The following KNTC1 variants were observed in gnomAD, a reference collection of about 807,000 sequenced individuals.
KNTC1 encodes the protein kinetochore-associated protein 1.
Under a neutral mutation model 314.4 loss-of-function variants are expected in KNTC1, and 253 were observed. That is an observed-to-expected ratio of 0.80 (90% CI 0.73 to 0.89). The LOEUF (loss-of-function observed/expected upper bound fraction) is 0.89. KNTC1 is among the 40% of genes least tolerant of loss of function. The pLI is 0.00. For synonymous variants in KNTC1, 901 were observed against 901.4 expected (o/e 1.00, Z 0.01); for missense variants, 2,475 against 2,572.9 (o/e 0.96, Z 0.82).
Position 122,568,368 on chromosome 12 carries a change from A to G in KNTC1, c.1712A>G (p.His571Arg), listed in dbSNP as rs746448268. The change falls in exon 21 of 64, where the codon CAT (histidine) becomes CGT (arginine). Residue 571 changes from histidine (H) to arginine (R), a missense_variant. By Grantham distance (29) the His-to-Arg change is conservative. Coordinates refer to ENST00000333479, the MANE Select transcript of KNTC1 (RefSeq NM_014708.6). ...LVCAQYLWLRHRANFESRFDV... is the reference protein window; with the variant it reads ...LVCAQYLWLRRRANFESRFDV... ...TGTGCACAGTATCTTTGGCTTCGAC[A>G]TCGGGTAACATGTTTTACATTTTTT... The G allele has an allele frequency of 3.9e-6, 6 of 1,550,288 alleles. No homozygotes were observed. Among genetic ancestry groups the G allele is most frequent in the Admixed American group, 1.7e-5 (1 of 59,484 alleles).
chr12:122,561,841 G>C, intron 18 of KNTC1, 80 bp from the exon 19 acceptor site: 1 of 1,221,750 alleles, frequency 8.2e-7, no homozygotes, highest in South Asian at 1.4e-5. Context: ...AAAATTTTTT[G>C]TTATTTCACA....
chr12:122,589,806 C>T (rs973761976), intron 40 of KNTC1, among the ~76,000 whole-genome samples: 1 of 93,168 alleles, frequency 1.1e-5, no homozygotes, highest in African/African-American at 4.6e-5. Flanking sequence ...TTTTTTGAGA[C>T]GGAGTCTCGC....
In KNTC1 at chr12:122,582,879, C is replaced by G; in HGVS notation, c.3157C>G (p.His1053Asp). The change falls in exon 34 of 64, where the codon CAC becomes GAC. Residue 1053 changes from histidine to aspartate, a missense_variant. His to Asp is a moderately conservative substitution (Grantham distance 81, BLOSUM62 -1). Coordinates refer to ENST00000333479, the MANE Select transcript of KNTC1 (RefSeq NM_014708.6). The part of the protein sequence containing the change: ...VRSPSMESKL[H>D]RQALALQMSK... ...GAGCCCAAGCATGGAATCAAAGCTG[C>G]ACAGACAGGCACTGGCCCTGCAGAT... 6.2e-7 allele frequency: 1 copy of G among 1,612,548 alleles called. No individual in the cohort carries two copies. Among genetic ancestry groups the G allele is most frequent in the East Asian group, 2.2e-5 (1 of 44,864 alleles).
rs1875039920 is a variant in KNTC1, at chr12:122,626,247, CAAG to C, written c.*23_*25del. 1.9e-6 allele frequency: 3 copies of C among 1,556,020 alleles called. No homozygotes were observed. Among genetic ancestry groups the C allele is most frequent in the East Asian group, 4.5e-5 (2 of 44,488 alleles). ...ATCGTAAATCACTGAACCTTTTTTT[CAAG>C]AAGGACAAGAATTTTGGAGTCTGCT... On this transcript the variant is annotated 3_prime_UTR_variant, in exon 64 of 64. Coordinates refer to ENST00000333479, the MANE Select transcript of KNTC1 (RefSeq NM_014708.6).
intron 31 of KNTC1, 21 bp from the exon 32 acceptor site, chr12:122,579,884 G>T (rs752653725): frequency 6.4e-7 from 1 of 1,558,726 alleles, no homozygotes; most frequent in Non-Finnish European, 8.8e-7. Context: ...ATTTTATTTC[G>T]CTTTATTTAT....
chr12:122,589,907 C>A (rs1256937279), intron 40 of KNTC1, among the ~76,000 whole-genome samples: 1 of 151,368 alleles, frequency 6.6e-6, no homozygotes, highest in African/African-American at 2.4e-5. Flanking sequence ...CCTCAGCCTC[C>A]TGAGTAGGTG....
At chr12:122,585,839 G>T in intron 37 of KNTC1, 65 bp downstream of exon 37, 1 of 1,513,606 alleles carries the variant, frequency 6.6e-7, no homozygotes, top group Non-Finnish European at 9.2e-7. Context: ...AACTGTAGAG[G>T]TTTGGAGCTA....
chr12:122,606,498 A>G (rs1022578445), intron 51 of KNTC1, among the ~76,000 whole-genome samples: 25 of 152,078 alleles, frequency 1.6e-4, no homozygotes, highest in Non-Finnish European at 7.4e-5. Context: ...GATTACAGAC[A>G]TGAGCCACCA....
Position 122,618,407 on chromosome 12 carries a change from T to C in KNTC1, c.6085+10T>C. The stretch of plus-strand genomic sequence containing the variant: ...ATACCACTGCTTTCAGGTATTTCGC[T>C]CTCTGAAACATTGGCTACAGCATTT... On this transcript the variant is annotated intron_variant, in intron 58 of 63. Coordinates refer to ENST00000333479, the MANE Select transcript of KNTC1 (RefSeq NM_014708.6). 6.2e-7 allele frequency: 1 copy of C among 1,613,776 alleles called. No homozygotes were observed. The highest frequency in any genetic ancestry group is 8.5e-7 in the Non-Finnish European group (1 of 1,179,730).
chr12:122,575,660 C>T lies in KNTC1; in HGVS notation c.2486+14C>T. 1 of 1,554,756 alleles carries T rather than the reference C, an allele frequency of 6.4e-7. No homozygotes were observed. Among genetic ancestry groups the T allele is most frequent in the Non-Finnish European group, 8.8e-7 (1 of 1,138,724 alleles). Reference sequence around the variant, plus strand: ...GGACCATCCCAAGTAAGATGACTGTCTACGAAACAATGTTGTTATGCTCTG... The same window carrying T: ...GGACCATCCCAAGTAAGATGACTGTTTACGAAACAATGTTGTTATGCTCTG... On this transcript the variant is annotated intron_variant, in intron 28 of 63. Coordinates refer to ENST00000333479, the MANE Select transcript of KNTC1 (RefSeq NM_014708.6).
chr12:122,573,609 T>C (rs1964836170), intron 26 of KNTC1, among the ~76,000 whole-genome samples: 2 of 152,050 alleles, frequency 1.3e-5, no homozygotes, highest in Admixed American at 1.3e-4. Flanking sequence ...CAGCTTGGTT[T>C]TATATATTTT....
chr12:122,541,600 C>T (rs946316527), intron 5 of KNTC1, among the ~76,000 whole-genome samples: 13 of 151,874 alleles, frequency 8.6e-5, no homozygotes, highest in Middle Eastern at 3.2e-3. Flanking sequence ...CTGCCTTGGC[C>T]TCCCAAAGTG....
At chr12:122,548,459 C>T (rs1218358993) in intron 12 of KNTC1, among the ~76,000 whole-genome samples, 1 of 152,066 alleles carries the variant, frequency 6.6e-6, no homozygotes. Context: ...TTGCCTGCCT[C>T]TCGGCCTCCC....
At position 122,539,755 on chromosome 12, in the gene KNTC1, G is replaced by GT. The variant is rs762062365; in HGVS notation, c.445+2dup. 6.6e-7 allele frequency: 1 copy of GT among 1,508,944 alleles called. No homozygotes were observed. The highest frequency in any genetic ancestry group is 1.3e-5 in the South Asian group (1 of 76,052). The allele number at this position is 1,508,944 out of a possible 1,614,324, so 93.5% of individuals were successfully genotyped here. Reference sequence around the variant, plus strand: ...ATTGAGAAGGATGGTTCAAATGAAGGTAAGTTTTCCTGAATTTTTTTTTGA... The same window carrying GT: ...ATTGAGAAGGATGGTTCAAATGAAGGTTAAGTTTTCCTGAATTTTTTTTTGA... On this transcript the variant is annotated splice_donor_variant, in intron 5 of 63. Transcript: ENST00000333479. LOFTEE classifies it high-confidence loss of function.
chr12:122,590,523 A>C (rs553087618), intron 40 of KNTC1, 84 bp from the exon 41 acceptor site: 5 of 1,289,010 alleles, frequency 3.9e-6, no homozygotes, highest in South Asian at 1.7e-5. Flanking sequence ...ATTCCTCTTT[A>C]TTTGTATTTC....
chr12:122,571,206 T>A, intron 24 of KNTC1, 80 bp downstream of exon 24: 1 of 998,116 alleles, frequency 1.0e-6, no homozygotes, highest in Non-Finnish European at 1.5e-6. Flanking sequence ...GTGAAGTATC[T>A]GGAAATATAT....
intron 42 of KNTC1, among the ~76,000 whole-genome samples, chr12:122,592,229 C>T (rs552881066): frequency 1.1e-4 from 16 of 152,300 alleles, no homozygotes; most frequent in African/African-American, 1.4e-4. Flanking sequence ...GCGCTGTGCT[C>T]GCTTTCTCGC....
chr12:122,577,602 A>T, intron 30 of KNTC1, 70 bp from the exon 31 acceptor site: 5 of 1,399,796 alleles, frequency 3.6e-6, no homozygotes, highest in Non-Finnish European at 4.8e-6. Flanking sequence ...AATAGAAAAG[A>T]AAGAGGTAAG....
At chr12:122,605,177 A>G in intron 50 of KNTC1, 90 bp downstream of exon 50, 1 of 1,176,478 alleles carries the variant, frequency 8.5e-7, no homozygotes, top group Admixed American at 2.2e-5. Context: ...CATATATATT[A>G]CTTACATATG....
Sources: allele counts gnomAD v4.1 joint callset (sites outside exome capture counted in the v4.1 genomes callset), GRCh38; gene constraint gnomAD v4.1.1; transcripts MANE v1.5; gene names NCBI Gene and HGNC (gene_info 2026-07-23, HGNC 2026-07-21).